Variants in SYN2 observed in about 807,000 individuals in gnomAD.
The protein encoded by SYN2 is synapsin II.
SYN2 carries 19 observed loss-of-function variants against 50.9 expected under a neutral mutation model. The ratio of observed to expected loss-of-function variants is 0.37; its 90% CI spans 0.26 to 0.55. SYN2 has a LOEUF of 0.55. Among genes scored for constraint, SYN2 ranks in the 20% least tolerant of loss-of-function variants. The pLI is 0.81. For missense variants in SYN2, 587 were observed against 576.4 expected (o/e 1.02, Z -0.19); for synonymous variants, 255 against 224.9 (o/e 1.13, Z -1.20).
At chr3:12,158,702 C>G (rs1237304581) in intron 5 of SYN2, 2 of 1,610,208 alleles carry the variant, frequency 1.2e-6, no homozygotes, top group East Asian at 2.2e-5. Flanking sequence ...TCGGACTCAC[C>G]AAGTGCCGAG....
chr3:12,098,900 A>G (rs552906470), intron 1 of SYN2, among the ~76,000 whole-genome samples: 1 of 145,878 alleles, frequency 6.9e-6, no homozygotes, highest in Admixed American at 6.7e-5. Flanking sequence ...AGTAACCAAA[A>G]GAGAGTTGGA....
At chr3:12,042,263 AT>A (rs1694636291) in intron 1 of SYN2, among the ~76,000 whole-genome samples, 1 of 152,192 alleles carries the variant, frequency 6.6e-6, no homozygotes, top group Admixed American at 6.5e-5. Context: ...CATTTATTAT[AT>A]TTCTTAATTC....
intron 1 of SYN2, among the ~76,000 whole-genome samples, chr3:12,130,455 AGG>A (rs558631491): frequency 3.9e-5 from 6 of 152,298 alleles, no homozygotes; most frequent in African/African-American, 1.4e-4. Context: ...GCTTGAAGAC[AGG>A]GAGAAAGAGC....
At chr3:12,169,927 A>C in intron 10 of SYN2, 21 bp downstream of exon 10, 1 of 1,590,538 alleles carries the variant, frequency 6.3e-7, no homozygotes. Context: ...AGGAAGAGAC[A>C]TAGCAGAGCC....
chr3:12,092,372 G>T (rs116017412), intron 1 of SYN2, among the ~76,000 whole-genome samples: 2 of 152,044 alleles, frequency 1.3e-5, no homozygotes, highest in Non-Finnish European at 2.9e-5. Flanking sequence ...TGCTTTCCAC[G>T]AGCTCATTCT....
At chr3:12,063,769 A>G (rs1441705143) in intron 1 of SYN2, among the ~76,000 whole-genome samples, 1 of 152,044 alleles carries the variant, frequency 6.6e-6, no homozygotes, top group African/African-American at 2.4e-5. Context: ...GCAAGAAAAT[A>G]CAGTATTGGG....
At chr3:12,186,594 G>A (rs1698345450) in intron 11 of SYN2, among the ~76,000 whole-genome samples, 1 of 152,162 alleles carries the variant, frequency 6.6e-6, no homozygotes, top group African/African-American at 2.4e-5. Context: ...ATATTACTGA[G>A]AGGCAAAACA....
intron 5 of SYN2, among the ~76,000 whole-genome samples, chr3:12,152,696 C>A (rs1220266750): frequency 6.6e-6 from 1 of 152,056 alleles, no homozygotes; most frequent in Non-Finnish European, 1.5e-5. Flanking sequence ...GATTTCAGCT[C>A]TGTAAGAAAA....
In SYN2 at chr3:12,004,913, A is replaced by G; in HGVS notation, c.362A>G (p.Glu121Gly). 1.7e-6 allele frequency: 1 copy of G among 571,916 alleles called. No individual in the cohort carries two copies. Among genetic ancestry groups the G allele is most frequent in the South Asian group, 2.0e-5 (1 of 50,206 alleles). The allele number at this position is 571,916 out of a possible 1,614,324, so 35.4% of individuals were successfully genotyped here. Reference sequence around the variant, plus strand: ...GCCAAGGTGCTGCTGGTGGTCGACGAGCCGCACGCCGACTGGTAGGTGCCG... The same window carrying G: ...GCCAAGGTGCTGCTGGTGGTCGACGGGCCGCACGCCGACTGGTAGGTGCCG... ...RKAKVLLVVD[E>G]PHADWAKCFR... Residue 121 changes from glutamate to glycine, a missense_variant, in exon 1 of 13, where the codon GAG becomes GGG. Transcript: ENST00000621198.
chr3:12,187,767 T>TG (rs1698374549), intron 12 of SYN2, among the ~76,000 whole-genome samples, 155 bp downstream of exon 12: 2 of 75,460 alleles, frequency 2.7e-5, no homozygotes, highest in African/African-American at 5.8e-5. Context: ...GTTTTTGGTT[T>TG]TTGTGTGTGT....
intron 1 of SYN2, among the ~76,000 whole-genome samples, chr3:12,109,761 G>A (rs1696274303): frequency 6.6e-6 from 1 of 152,196 alleles, no homozygotes; most frequent in Non-Finnish European, 1.5e-5. Context: ...GTCTGCCCGT[G>A]CAAGAGGCAA....
Position 12,190,518 on chromosome 3 carries a change from A to G in SYN2, c.1642A>G (p.Ser548Gly). The change falls in exon 13 of 13, where the codon AGC becomes GGC. Residue 548 changes from serine (S) to glycine (G), a missense_variant. Physicochemically the swap from Ser to Gly is moderately conservative, Grantham distance 56. Transcript: ENST00000621198. ...GTCGCAGTCCCTGACAAATGCCTTC[A>G]GCTTCTCTGAGTCCTCCTTCTTCCG... The part of the protein sequence containing the change: ...NKSQSLTNAF[S>G]FSESSFFRSS... The G allele has an allele frequency of 6.2e-7, 1 of 1,613,818 alleles. No individual in the cohort carries two copies.
intron 1 of SYN2, among the ~76,000 whole-genome samples, chr3:12,077,584 TC>T (rs1365222415): frequency 6.6e-6 from 1 of 152,158 alleles, no homozygotes; most frequent in Non-Finnish European, 1.5e-5. Flanking sequence ...GGTTTTCTGT[TC>T]CTGTGTTAGC....
intron 1 of SYN2, among the ~76,000 whole-genome samples, chr3:12,082,889 G>A (rs1695612242): frequency 6.6e-6 from 1 of 152,042 alleles, no homozygotes; most frequent in Admixed American, 6.6e-5. Flanking sequence ...TTTTATTTCA[G>A]AGTTTTCTTC....
At chr3:12,083,257 C>G (rs971730044) in intron 1 of SYN2, among the ~76,000 whole-genome samples, 1 of 152,208 alleles carries the variant, frequency 6.6e-6, no homozygotes, top group African/African-American at 2.4e-5. Flanking sequence ...GGTGATCTGC[C>G]CACCTCAGCC....
intron 1 of SYN2, among the ~76,000 whole-genome samples, chr3:12,034,005 T>A (rs994237991): frequency 1.3e-5 from 2 of 152,234 alleles, no homozygotes; most frequent in Non-Finnish European, 2.9e-5. Flanking sequence ...ATGTACAAGT[T>A]GTTGTGTGAA....
At chr3:12,189,674 C>A (rs1347220521) in intron 12 of SYN2, among the ~76,000 whole-genome samples, 1 of 152,076 alleles carries the variant, frequency 6.6e-6, no homozygotes, top group African/African-American at 2.4e-5. Context: ...ATGGTGGCAA[C>A]CATCTGTAGT....
chr3:12,107,985 A>T (rs1308204600), intron 1 of SYN2, among the ~76,000 whole-genome samples: 1 of 152,034 alleles, frequency 6.6e-6, no homozygotes, highest in East Asian at 1.9e-4. Flanking sequence ...TTGAGGTAGG[A>T]GGATCACTTG....
chr3:12,191,777 A>G lies in SYN2; in HGVS notation c.*1152A>G, dbSNP rs961015684. On this transcript the variant is annotated 3_prime_UTR_variant, in exon 13 of 13. Coordinates refer to ENST00000621198, the MANE Select transcript of SYN2 (RefSeq NM_133625.6). Reference sequence around the variant, plus strand: ...CAATTTAGACTCACTTGCCTGGTCTATCATCAAGCTCCTCAGCTGAGGCCC... The same window carrying G: ...CAATTTAGACTCACTTGCCTGGTCTGTCATCAAGCTCCTCAGCTGAGGCCC... Among the ~76,000 whole-genome samples the G allele has an allele frequency of 1.1e-4, 16 of 152,266 alleles. No homozygotes were observed. The highest frequency in any genetic ancestry group is 3.4e-3 in the Middle Eastern group (1 of 294).
Sources: allele counts gnomAD v4.1 joint callset (sites outside exome capture counted in the v4.1 genomes callset), GRCh38; gene constraint gnomAD v4.1.1; transcripts MANE v1.5; gene names NCBI Gene and HGNC (gene_info 2026-07-23, HGNC 2026-07-21).